LRRC14: variants seen among roughly 807,000 people sequenced by gnomAD.
LRRC14 encodes leucine rich repeat containing 14.
A neutral mutation model predicts 25.3 loss-of-function variants in LRRC14; 16 were observed. The observed-to-expected ratio is 0.63, with a 90% confidence interval of 0.43 to 0.96. The LOEUF (loss-of-function observed/expected upper bound fraction) is 0.96, where lower values mean the gene tolerates loss of function less well. Among genes scored for constraint, LRRC14 ranks in the 40% least tolerant of loss-of-function variants. LRRC14 has a pLI of 0.00. For missense variants in LRRC14, 594 were observed against 660.5 expected, an observed-to-expected ratio of 0.90 and a Z score of 1.10; for synonymous variants, 359 against 295.1, an observed-to-expected ratio of 1.22 and a Z score of -2.22.
chr8:144,524,625 C>CT lies in LRRC14; in HGVS notation c.*3148dup. ...GGCGCCGGCCTCCAGGGCGCGCAGG[C>CT]TGTTGTTGTGCAGGTAGAGCCGGCG... On this transcript the variant is annotated 3_prime_UTR_variant, in exon 4 of 4. Transcript: ENST00000292524. 1 of 1,523,134 alleles carries CT rather than the reference C, an allele frequency of 6.6e-7. No homozygotes were observed. The highest frequency in any genetic ancestry group is 8.7e-7 in the Non-Finnish European group (1 of 1,143,414). 94.4% of individuals were successfully genotyped at this position (1,523,134 alleles called of 1,614,324 possible). A position where few individuals can be genotyped will look rare whatever the true frequency, so the allele number is the denominator to read the frequency against.
In LRRC14 at chr8:144,522,345, G is replaced by A; in HGVS notation, c.*867G>A. ...CATTGCTACCCCAGGATTCCCGAGT[G>A]CAACGTTCCCGGCTCGCGCCCCACA... On this transcript the variant is annotated 3_prime_UTR_variant, in exon 4 of 4. Transcript: ENST00000292524. 1 of 1,294,530 alleles carries A rather than the reference G, an allele frequency of 7.7e-7. No homozygotes were observed. The highest frequency in any genetic ancestry group is 9.9e-7 in the Non-Finnish European group (1 of 1,011,884). The allele number at this position is 1,294,530 out of a possible 1,614,324, so 80.2% of individuals were successfully genotyped here.
At chr8:144,519,241 G>A (rs991370916) in intron 1 of LRRC14, 2 of 181,984 alleles carry the variant, frequency 1.1e-5, no homozygotes, top group East Asian at 1.3e-4. Flanking sequence ...GGAGGGAAAG[G>A]TGATTTGGCT....
At position 144,525,015 on chromosome 8, in the gene LRRC14, G is replaced by A; in HGVS notation, c.*3537G>A. On this transcript the variant is annotated 3_prime_UTR_variant, in exon 4 of 4. Coordinates refer to ENST00000292524, the MANE Select transcript of LRRC14 (RefSeq NM_014665.4). Reference sequence around the variant, plus strand: ...TCCTCACCGGCCCTTCCGCGGTTCAGCCGCAGACGCGTGCCCTCCTGAAAC... The same window carrying A: ...TCCTCACCGGCCCTTCCGCGGTTCAACCGCAGACGCGTGCCCTCCTGAAAC... 7.1e-7 allele frequency: 1 copy of A among 1,399,064 alleles called. No individual in the cohort carries two copies. Among genetic ancestry groups the A allele is most frequent in the Non-Finnish European group, 9.3e-7 (1 of 1,080,112 alleles). The allele number at this position is 1,399,064 out of a possible 1,614,324, so 86.7% of individuals were successfully genotyped here.
rs753197221 is a variant in LRRC14 at position 144,523,024 on chromosome 8, G to A, written c.*1546G>A. On this transcript the variant is annotated 3_prime_UTR_variant, in exon 4 of 4. Transcript: ENST00000292524. ...CGTGCGCCAGCGTGATGTTGCTGAG[G>A]AAGAGCATGCCGCTGCCCGTGTCGG... is the stretch of plus-strand genomic sequence containing the variant. 1.9e-6 allele frequency: 3 copies of A among 1,599,732 alleles called. No individual in the cohort carries two copies. Among genetic ancestry groups the A allele is most frequent in the African/African-American group, 2.7e-5 (2 of 74,574 alleles).
In LRRC14 at chr8:144,518,054, G is replaced by A. The variant is rs1483197725; in HGVS notation, c.-112+13G>A. The A allele has an allele frequency of 3.2e-5, 6 of 185,036 alleles. No individual in the cohort carries two copies. The highest frequency in any genetic ancestry group is 1.4e-4 in the East Asian group (1 of 7,374). 11.5% of individuals were successfully genotyped at this position (185,036 alleles called of 1,614,324 possible). On this transcript the variant is annotated intron_variant, in intron 1 of 3. Transcript: ENST00000292524. ...GGTTGCGGGACCGGTGAGCGCGGGC[G>A]GCCGGGGGGGTGTCTGAGCGGGGCG...
rs1586847121 is a variant in LRRC14, at chr8:144,520,478, C to T, written c.570C>T (p.Gly190=). Residue 190 remains glycine (G), a synonymous_variant, in exon 3 of 4, where the codon GGC becomes GGT. Transcript: ENST00000292524. ...FLREALRSSV[G]SPLRLCCRDL... ...GGGAGGCACTCCGAAGCAGCGTGGG[C>T]AGCCCGCTGCGGCTCTGCTGCCGGG... 1 of 1,597,342 alleles carries T rather than the reference C, an allele frequency of 6.3e-7. No individual in the cohort carries two copies. Among genetic ancestry groups the T allele is most frequent in the Non-Finnish European group, 8.5e-7 (1 of 1,177,196 alleles).
intron 1 of LRRC14, chr8:144,518,562 C>T (rs1815646396): frequency 6.6e-6 from 1 of 152,298 alleles, no homozygotes; most frequent in African/African-American, 2.4e-5. Context: ...ACCGGCAGAA[C>T]TAGGCCGAGG....
At position 144,521,507 on chromosome 8, in the gene LRRC14, G is replaced by T. The variant is rs753937659; in HGVS notation, c.*29G>T. ...AGTAGCTCTGGGTGAGACACAGGCC[G>T]CCCTGCAGTCTCTTTAGGTAGGCAG... On this transcript the variant is annotated 3_prime_UTR_variant, in exon 4 of 4. Coordinates refer to ENST00000292524, the MANE Select transcript of LRRC14 (RefSeq NM_014665.4). 27 of 1,571,472 alleles carry T rather than the reference G, an allele frequency of 1.7e-5. No homozygotes were observed. The highest frequency in any genetic ancestry group is 2.2e-5 in the Non-Finnish European group (26 of 1,161,930).
chr8:144,524,527 AGGCGCCGCTGCGCAAGCC>A lies in LRRC14; in HGVS notation c.*3051_*3068del. The A allele has an allele frequency of 6.3e-7, 1 of 1,590,510 alleles. No homozygotes were observed. The highest frequency in any genetic ancestry group is 8.5e-7 in the Non-Finnish European group (1 of 1,176,858). On this transcript the variant is annotated 3_prime_UTR_variant, in exon 4 of 4. Transcript: ENST00000292524. ...ACGCGCAGCTGGGCCAGGCCTACGA[AGGCGCCGCTGCGCAAGCC>A]GCGCAGCCGGTTGCTAGTGAGCGCC...
chr8:144,523,345 C>T lies in LRRC14; in HGVS notation c.*1867C>T. The T allele has an allele frequency of 6.3e-7, 1 of 1,586,878 alleles. No individual in the cohort carries two copies. The highest frequency in any genetic ancestry group is 1.1e-5 in the South Asian group (1 of 88,610). ...TCCTGTCCCTGGAGGTGAGCAGCCG[C>T]TGGCCGCCCTCCTTGATCCAGGCAC... is the stretch of plus-strand genomic sequence containing the variant. On this transcript the variant is annotated 3_prime_UTR_variant, in exon 4 of 4. Coordinates refer to ENST00000292524, the MANE Select transcript of LRRC14 (RefSeq NM_014665.4).
rs751871089 is a variant in LRRC14 at position 144,520,779 on chromosome 8, A to G, written c.871A>G (p.Met291Val). 2 of 1,598,558 alleles carry G rather than the reference A, an allele frequency of 1.3e-6. No individual in the cohort carries two copies. The highest frequency in any genetic ancestry group is 2.7e-5 in the African/African-American group (2 of 75,052). The change falls in exon 3 of 4, where the codon ATG becomes GTG. Residue 291 changes from methionine (M) to valine (V), a missense_variant. Transcript: ENST00000292524. The stretch of plus-strand genomic sequence containing the variant: ...CTTCACCTGTCTGCGTGAGCTCAGC[A>G]TGGGCTCCTCTCTCCTTTCAGGGAG... Reference protein sequence around the residue: ...GRFTCLRELSMGSSLLSGRLD... With the variant: ...GRFTCLRELSVGSSLLSGRLD...
chr8:144,524,598 A>C lies in LRRC14; in HGVS notation c.*3120A>C, dbSNP rs1203833605. The stretch of plus-strand genomic sequence containing the variant: ...CTCCAGCAGGCGCGGCTGCGCGCGG[A>C]AGGCGCCGGCCTCCAGGGCGCGCAG... On this transcript the variant is annotated 3_prime_UTR_variant, in exon 4 of 4. Transcript: ENST00000292524. 1 of 1,529,020 alleles carries C rather than the reference A, an allele frequency of 6.5e-7. No homozygotes were observed. The highest frequency in any genetic ancestry group is 8.7e-7 in the Non-Finnish European group (1 of 1,147,010). The allele number at this position is 1,529,020 out of a possible 1,614,324, so 94.7% of individuals were successfully genotyped here. A position where few individuals can be genotyped will look rare whatever the true frequency, so the allele number is the denominator to read the frequency against.
Position 144,522,981 on chromosome 8 carries a change from C to T in LRRC14, c.*1503C>T, listed in dbSNP as rs1321176425. ...GCAGCGCCGCCGGCGTTGGAGGCCT[C>T]GCACTCGTACTTACCGGCGTGCGCC... On this transcript the variant is annotated 3_prime_UTR_variant, in exon 4 of 4. Coordinates refer to ENST00000292524, the MANE Select transcript of LRRC14 (RefSeq NM_014665.4). 3 of 1,590,396 alleles carry T rather than the reference C, an allele frequency of 1.9e-6. No homozygotes were observed. Among genetic ancestry groups the T allele is most frequent in the Admixed American group, 3.4e-5 (2 of 58,902 alleles).
In LRRC14 at chr8:144,522,784, G is replaced by A. The variant is rs760578558; in HGVS notation, c.*1306G>A. ...GCAGCGCCGTGAGCGCCAGCAGCGC[G>A]ATGGCCGCCGCAATGGCCGTCTGTG... is the stretch of plus-strand genomic sequence containing the variant. On this transcript the variant is annotated 3_prime_UTR_variant, in exon 4 of 4. Transcript: ENST00000292524. 25 of 1,554,492 alleles carry A rather than the reference G, an allele frequency of 1.6e-5. No individual in the cohort carries two copies. Among genetic ancestry groups the A allele is most frequent in the Middle Eastern group, 1.9e-4 (1 of 5,264 alleles).
rs754330474 is a variant in LRRC14 at position 144,520,895 on chromosome 8, C to G, written c.915-16C>G. 1.9e-6 allele frequency: 3 copies of G among 1,602,218 alleles called. No individual in the cohort carries two copies. Among genetic ancestry groups the G allele is most frequent in the Non-Finnish European group, 2.6e-6 (3 of 1,176,310 alleles). On this transcript the variant is annotated splice_polypyrimidine_tract_variant and intron_variant, in intron 3 of 3. Transcript: ENST00000292524. ...TCCCTGGCTCTGCCTGTCTGTGACCCCTGTGTCCCCTGTAGCACCCTGCAG... is the reference window on the plus strand; with the variant it reads ...TCCCTGGCTCTGCCTGTCTGTGACCGCTGTGTCCCCTGTAGCACCCTGCAG...
At chr8:144,520,181 G>A in intron 2 of LRRC14, 57 bp from the exon 3 acceptor site, 5 of 1,580,084 alleles carry the variant, frequency 3.2e-6, no homozygotes, top group Non-Finnish European at 4.3e-6. Flanking sequence ...CAAGGTGGCT[G>A]GGAGGGGGTA....
chr8:144,524,316 C>T lies in LRRC14; in HGVS notation c.*2838C>T. ...CAGCAGATCGTGAGGAAAAAGGGCG[C>T]CGAGGTTGGGGGCATGTCTCTCTTC... is the stretch of plus-strand genomic sequence containing the variant. On this transcript the variant is annotated 3_prime_UTR_variant, in exon 4 of 4. Coordinates refer to ENST00000292524, the MANE Select transcript of LRRC14 (RefSeq NM_014665.4). The T allele has an allele frequency of 6.2e-7, 1 of 1,604,766 alleles. No individual in the cohort carries two copies. The highest frequency in any genetic ancestry group is 1.1e-5 in the South Asian group (1 of 91,062).
chr8:144,520,335 G>A lies in LRRC14; in HGVS notation c.427G>A (p.Val143Ile), dbSNP rs745979460. The A allele has an allele frequency of 6.2e-6, 10 of 1,612,142 alleles. No homozygotes were observed. The highest frequency in any genetic ancestry group is 2.7e-5 in the African/African-American group (2 of 74,880). Reference sequence around the variant, plus strand: ...GAGCATGTGGGACTGTACTGCTGCCGTAGCTCGCACATGCATTGCCCAGCA... The same window carrying A: ...GAGCATGTGGGACTGTACTGCTGCCATAGCTCGCACATGCATTGCCCAGCA... ...TMSMWDCTAA[V>I]ARTCIAQQQG... The change falls in exon 3 of 4, where the codon GTA (valine) becomes ATA (isoleucine). Residue 143 changes from valine to isoleucine, a missense_variant. Coordinates refer to ENST00000292524, the MANE Select transcript of LRRC14 (RefSeq NM_014665.4).
intron 1 of LRRC14, among the ~76,000 whole-genome samples, chr8:144,519,106 C>T (rs565956391): frequency 1.3e-4 from 20 of 152,272 alleles, no homozygotes; most frequent in South Asian, 2.1e-4. Flanking sequence ...CATCTGGACT[C>T]GGTGTTCCCT....
Sources: allele counts gnomAD v4.1 joint callset (sites outside exome capture counted in the v4.1 genomes callset), GRCh38; gene constraint gnomAD v4.1.1; transcripts MANE v1.5; gene names NCBI Gene and HGNC (gene_info 2026-07-23, HGNC 2026-07-21).